The following BICD1 variants were observed in gnomAD, a reference collection of about 807,000 sequenced individuals.
BICD1 encodes protein bicaudal D homolog 1.
In BICD1, 35 loss-of-function variants were observed where a neutral mutation model predicts 92.5. That is an observed-to-expected ratio of 0.38 (90% CI 0.29 to 0.50). The LOEUF (loss-of-function observed/expected upper bound fraction) is 0.50. Ranked by LOEUF, BICD1 falls within the 20% of genes least tolerant of loss-of-function variation. The pLI, the probability that BICD1 is intolerant of heterozygous loss-of-function variation, is 0.93. For missense variants in BICD1, 950 were observed against 1,189.8 expected, an observed-to-expected ratio of 0.80 and a Z score of 2.97; for synonymous variants, 429 against 465.1, an observed-to-expected ratio of 0.92 and a Z score of 1.00.
chr12:32,299,977 C>G (rs371096917), intron 3 of BICD1, among the ~76,000 whole-genome samples: 1 of 152,152 alleles, frequency 6.6e-6, no homozygotes, highest in Non-Finnish European at 1.5e-5. Flanking sequence ...ATCTCTCTTG[C>G]GACTACCCAG....
At chr12:32,323,614 G>C (rs1272608802) in intron 4 of BICD1, among the ~76,000 whole-genome samples, 1 of 152,056 alleles carries the variant, frequency 6.6e-6, no homozygotes, top group African/African-American at 2.4e-5. Flanking sequence ...ATAATTTGTG[G>C]GTTGCTTTCC....
At chr12:32,277,341 C>G (rs1592599067) in intron 2 of BICD1, among the ~76,000 whole-genome samples, 1 of 152,178 alleles carries the variant, frequency 6.6e-6, no homozygotes, top group South Asian at 2.1e-4. Context: ...TTGCAGTGAG[C>G]TGAGATCATG....
chr12:32,243,016 G>C (rs1325066188), intron 2 of BICD1, among the ~76,000 whole-genome samples: 1 of 152,030 alleles, frequency 6.6e-6, no homozygotes, highest in Non-Finnish European at 1.5e-5. Flanking sequence ...AATAGTACCT[G>C]GTGCAGAGTT....
intron 4 of BICD1, among the ~76,000 whole-genome samples, chr12:32,325,817 A>G (rs1246002121): frequency 3.9e-5 from 6 of 152,186 alleles, no homozygotes; most frequent in South Asian, 4.1e-4. Flanking sequence ...GCTCACGCCT[A>G]TAATCTTTGG....
intron 4 of BICD1, 53 bp from the exon 5 acceptor site, chr12:32,327,408 T>A: frequency 6.5e-7 from 1 of 1,536,366 alleles, no homozygotes; most frequent in South Asian, 1.3e-5. Context: ...TGGATTAAGT[T>A]CATCATTGGT....
chr12:32,176,101 T>A (rs1168553944), intron 1 of BICD1, among the ~76,000 whole-genome samples: 2 of 152,240 alleles, frequency 1.3e-5, no homozygotes, highest in African/African-American at 4.8e-5. Flanking sequence ...CTTGTATGCA[T>A]GTACTACATT....
At chr12:32,341,941 A>T (rs369875567) in intron 8 of BICD1, among the ~76,000 whole-genome samples, 2 of 151,970 alleles carry the variant, frequency 1.3e-5, no homozygotes, top group Admixed American at 6.6e-5. Flanking sequence ...TACCAGTCTT[A>T]TGTTCTATAT....
At chr12:32,166,090 G>A (rs980088816) in intron 1 of BICD1, among the ~76,000 whole-genome samples, 2 of 145,700 alleles carry the variant, frequency 1.4e-5, no homozygotes, top group Non-Finnish European at 1.5e-5. Context: ...TGGGACATTT[G>A]GCAATGTCTG....
At chr12:32,312,750 T>A (rs1217745996) in intron 4 of BICD1, among the ~76,000 whole-genome samples, 1 of 152,226 alleles carries the variant, frequency 6.6e-6, no homozygotes, top group Non-Finnish European at 1.5e-5. Context: ...AGAAAACATT[T>A]TGATTCACCT....
intron 4 of BICD1, 114 bp downstream of exon 4, chr12:32,306,236 C>A: frequency 9.1e-7 from 1 of 1,104,000 alleles, no homozygotes; most frequent in Non-Finnish European, 1.3e-6. Flanking sequence ...TTTTTCTTTT[C>A]TTCTCTTTTC....
intron 2 of BICD1, among the ~76,000 whole-genome samples, chr12:32,277,651 A>T (rs551486160): frequency 6.6e-6 from 1 of 152,226 alleles, no homozygotes; most frequent in African/African-American, 2.4e-5. Context: ...TCTCTGCTAT[A>T]CACACATACC....
intron 2 of BICD1, among the ~76,000 whole-genome samples, chr12:32,265,561 A>G (rs7966579): frequency 0.031 from 4,757 of 151,356 alleles, 275 homozygotes; most frequent in African/African-American, 0.11. Flanking sequence ...AAAAAAAAAA[A>G]AAAGTAAAAA....
intron 1 of BICD1, among the ~76,000 whole-genome samples, chr12:32,114,749 C>T (rs565426585): frequency 6.6e-6 from 1 of 152,214 alleles, no homozygotes; most frequent in Non-Finnish European, 1.5e-5. Flanking sequence ...GGGATATAAA[C>T]AATTTAATAA....
At chr12:32,151,493 C>T (rs1243204331) in intron 1 of BICD1, among the ~76,000 whole-genome samples, 2 of 152,128 alleles carry the variant, frequency 1.3e-5, no homozygotes, top group Non-Finnish European at 2.9e-5. Flanking sequence ...ACGTGCCAAC[C>T]CAAGTACAAT....
intron 1 of BICD1, among the ~76,000 whole-genome samples, chr12:32,186,746 G>A (rs373784001): frequency 6.6e-6 from 1 of 151,974 alleles, no homozygotes; most frequent in African/African-American, 2.4e-5. Context: ...TTTTTTCATC[G>A]TGAAGTGTGT....
intron 1 of BICD1, among the ~76,000 whole-genome samples, chr12:32,196,205 T>G (rs1944721345): frequency 6.6e-6 from 1 of 152,122 alleles, no homozygotes; most frequent in African/African-American, 2.4e-5. Flanking sequence ...AAATATCAAT[T>G]TGTACAGGAA....
intron 1 of BICD1, among the ~76,000 whole-genome samples, chr12:32,160,522 C>A (rs1943567489): frequency 2.6e-5 from 4 of 151,244 alleles, no homozygotes; most frequent in African/African-American, 7.3e-5. Context: ...AATGGAGCCT[C>A]AATACAGTCT....
chr12:32,138,643 T>C (rs2121348549), intron 1 of BICD1, among the ~76,000 whole-genome samples: 1 of 152,334 alleles, frequency 6.6e-6, no homozygotes, highest in African/African-American at 2.4e-5. Flanking sequence ...TTACTTTAAA[T>C]AGGCTTTGTG....
Position 32,225,621 on chromosome 12 carries a change from G to GTTTTTGTTTT in BICD1, c.426+9167_426+9168insGTTTTTTTTT, listed in dbSNP as rs1411722126. Among the ~76,000 whole-genome samples the GTTTTTGTTTT allele has an allele frequency of 3.6e-4, 33 of 92,786 alleles. 9 individuals are homozygous for GTTTTTGTTTT. The highest frequency in any genetic ancestry group is 9.9e-4 in the South Asian group (2 of 2,016). 60.9% of individuals were successfully genotyped at this position (92,786 alleles called of 152,430 possible). On this transcript the variant is annotated intron_variant, in intron 2 of 9. Transcript: ENST00000652176. ...TGGTATTTGACAGTTCTTTTTTTCT[G>GTTTTTGTTTT]TTTTTTTTTTTTTTTTTTTTAGACG...
Sources: gnomAD v4.1 joint callset for allele counts (sites outside exome capture counted in the v4.1 genomes callset) on GRCh38, gnomAD v4.1.1 for gene constraint, MANE v1.5 for transcripts, NCBI Gene and HGNC (gene_info 2026-07-23, HGNC 2026-07-21) for gene names.